Variants in NNT observed in about 807,000 individuals in gnomAD.
NNT encodes NAD(P) transhydrogenase, mitochondrial.
In NNT, 50 loss-of-function variants were observed where a neutral mutation model predicts 104.8. The ratio of observed to expected loss-of-function variants is 0.48; its 90% CI spans 0.38 to 0.60. The LOEUF (loss-of-function observed/expected upper bound fraction) is 0.60. NNT is among the 20% of genes least tolerant of loss of function. The pLI, the probability that NNT is intolerant of heterozygous loss-of-function variation, is 0.00. For synonymous variants in NNT, 461 were observed against 490.4 expected, an observed-to-expected ratio of 0.94 and a Z score of 0.79; for missense variants, 1,131 against 1,330.7, an observed-to-expected ratio of 0.85 and a Z score of 2.33.
Position 43,704,444 on chromosome 5 carries a change from G to A in NNT, c.*40G>A. The A allele has an allele frequency of 6.2e-7, 1 of 1,605,476 alleles. No individual in the cohort carries two copies. The highest frequency in any genetic ancestry group is 8.5e-7 in the Non-Finnish European group (1 of 1,174,466). ...GCTGTTAGCTAATAATGCCACCTCT[G>A]CAGTTTTGGGAACAGGCAAATAAAG... On this transcript the variant is annotated 3_prime_UTR_variant, in exon 22 of 22. Transcript: ENST00000344920.
At chr5:43,652,970 A>G (rs754093468) in intron 13 of NNT, 48 bp from the exon 14 acceptor site, 1 of 1,480,066 alleles carries the variant, frequency 6.8e-7, no homozygotes, top group African/African-American at 1.4e-5. Flanking sequence ...CTCTAAGCTA[A>G]TAGACCAAAG....
At chr5:43,628,430 CT>C (rs746378706) in intron 7 of NNT, 43 bp downstream of exon 7, 716 of 1,390,840 alleles carry the variant, frequency 5.1e-4, no homozygotes, top group South Asian at 9.5e-4. Flanking sequence ...CACTTTTACT[CT>C]TTTTTTTTAA....
At chr5:43,645,586 T>C (rs1310605200) in intron 10 of NNT, 76 bp downstream of exon 10, 3 of 847,270 alleles carry the variant, frequency 3.5e-6, no homozygotes, top group Non-Finnish European at 4.8e-6. Context: ...TCTATAGATA[T>C]ATGTGTAGCT....
chr5:43,640,305 CA>C (rs942922709), intron 7 of NNT, among the ~76,000 whole-genome samples: 1 of 151,952 alleles, frequency 6.6e-6, no homozygotes, highest in African/African-American at 2.4e-5. Context: ...GTTTGTATTC[CA>C]TGTTTAGTTA....
At chr5:43,627,407 G>C (rs950005369) in intron 6 of NNT, among the ~76,000 whole-genome samples, 1 of 152,142 alleles carries the variant, frequency 6.6e-6, no homozygotes, top group African/African-American at 2.4e-5. Flanking sequence ...CTGCTTGCTG[G>C]AGATTATAAT....
intron 5 of NNT, 57 bp from the exon 6 acceptor site, chr5:43,623,975 G>A (rs897005795): frequency 2.0e-6 from 3 of 1,516,436 alleles, no homozygotes; most frequent in Admixed American, 1.7e-5. Context: ...GTTAGCTGAT[G>A]ATTTTTCATT....
rs928270590 is a variant in NNT at position 43,641,749 on chromosome 5, A to G, written c.965-2443A>G. On this transcript the variant is annotated intron_variant, in intron 7 of 21. Coordinates refer to ENST00000344920, the MANE Select transcript of NNT (RefSeq NM_182977.3). ...AGTGATACCCTTCAGTCTGTACACCAAATAAGTTAACCTATGTGAAAGAAT... is the reference window on the plus strand; with the variant it reads ...AGTGATACCCTTCAGTCTGTACACCGAATAAGTTAACCTATGTGAAAGAAT... Among the ~76,000 whole-genome samples, 3 of 152,332 alleles carry G rather than the reference A, an allele frequency of 2.0e-5. No individual in the cohort carries two copies. In the East Asian group the frequency reaches 5.8e-4, roughly 29 times the overall value.
chr5:43,698,340 C>T (rs1217541369), intron 19 of NNT, among the ~76,000 whole-genome samples: 2 of 151,868 alleles, frequency 1.3e-5, no homozygotes. Context: ...CTTACCATGC[C>T]TGTGTGGGTT....
Position 43,644,689 on chromosome 5 carries a change from A to C in NNT, c.1177A>C (p.Thr393Pro). ...QASTLYSNNI[T>P]KLLKAISPDK... ...CAGCACCCTATATTCCAACAACATC[A>C]CCAAACTCCTGAAGGCCATCAGCCC... The change falls in exon 9 of 22, where the codon ACC (threonine) becomes CCC (proline). Residue 393 changes from threonine (T) to proline (P), a missense_variant. Physicochemically the swap from Thr to Pro is conservative, Grantham distance 38. Transcript: ENST00000344920. 6.2e-7 allele frequency: 1 copy of C among 1,614,178 alleles called. No individual in the cohort carries two copies. Among genetic ancestry groups the C allele is most frequent in the Non-Finnish European group, 8.5e-7 (1 of 1,180,044 alleles).
At chr5:43,623,292 C>CT (rs1750189932) in intron 5 of NNT, among the ~76,000 whole-genome samples, 1 of 152,106 alleles carries the variant, frequency 6.6e-6, no homozygotes, top group African/African-American at 2.4e-5. Context: ...TTTCAATTGA[C>CT]TGTTTATGGG....
intron 13 of NNT, 124 bp downstream of exon 13, chr5:43,652,008 A>G: frequency 9.7e-7 from 1 of 1,025,644 alleles, no homozygotes; most frequent in East Asian, 2.5e-5. Flanking sequence ...AAATACAACA[A>G]TAACCCTAGA....
rs79704672 is a variant in NNT at position 43,690,948 on chromosome 5, G to T, written c.2877-9171G>T. Among the ~76,000 whole-genome samples, 543 of 152,114 alleles carry T rather than the reference G, an allele frequency of 3.6e-3. 2 individuals are homozygous for T. The highest frequency in any genetic ancestry group is 5.5e-3 in the Non-Finnish European group (371 of 68,000). Reference sequence around the variant, plus strand: ...AAAAAGATTTTAAATTCTTTCTTTTGCATTTGAATATTTTCTTCTCTTCTG... The same window carrying T: ...AAAAAGATTTTAAATTCTTTCTTTTTCATTTGAATATTTTCTTCTCTTCTG... On this transcript the variant is annotated intron_variant, in intron 19 of 21. Coordinates refer to ENST00000344920, the MANE Select transcript of NNT (RefSeq NM_182977.3).
chr5:43,615,461 A>G (rs1749738787), intron 3 of NNT, among the ~76,000 whole-genome samples: 1 of 152,244 alleles, frequency 6.6e-6, no homozygotes, highest in South Asian at 2.1e-4. Context: ...GAAGGATTGA[A>G]CACACAACAA....
rs751101349 is a variant in NNT at position 43,644,280 on chromosome 5, T to A, written c.1053T>A (p.Gly351=). 6.2e-7 allele frequency: 1 copy of A among 1,613,820 alleles called. No homozygotes were observed. Among genetic ancestry groups the A allele is most frequent in the African/African-American group, 1.3e-5 (1 of 74,904 alleles). ...SVVVDLAAEA[G]GNFETTKPGE... is the part of the protein sequence containing the mutation. ...TTGTGGATTTAGCTGCTGAGGCTGG[T>A]GGAAACTTTGAAACCACTAAGCCAG... is the stretch of plus-strand genomic sequence containing the variant. Residue 351 remains glycine (G), a synonymous_variant, in exon 8 of 22, where the codon GGT becomes GGA. Transcript: ENST00000344920.
In NNT at chr5:43,618,967, A is replaced by G. The variant is rs1013917633; in HGVS notation, c.600-65A>G. ...AAAACTTCATTGATGACTTATGATG[A>G]TATGTGAGTCTGAGATCTCTCCTTT... On this transcript the variant is annotated intron_variant, in intron 4 of 21. Coordinates refer to ENST00000344920, the MANE Select transcript of NNT (RefSeq NM_182977.3). 6.5e-6 allele frequency: 6 copies of G among 918,492 alleles called. No homozygotes were observed. In the Admixed American group the frequency reaches 1.3e-4, roughly 20 times the overall value. The allele number at this position is 918,492 out of a possible 1,614,324, so 56.9% of individuals were successfully genotyped here. A position where few individuals can be genotyped will look rare whatever the true frequency, so the allele number is the denominator to read the frequency against.
At chr5:43,634,457 T>G (rs1750833451) in intron 7 of NNT, among the ~76,000 whole-genome samples, 1 of 152,232 alleles carries the variant, frequency 6.6e-6, no homozygotes, top group South Asian at 2.1e-4. Flanking sequence ...GATTTATTAT[T>G]CATTTTCTTA....
chr5:43,683,072 G>A (rs922380748), intron 19 of NNT, among the ~76,000 whole-genome samples: 66 of 152,202 alleles, frequency 4.3e-4, no homozygotes, highest in African/African-American at 1.0e-3. Flanking sequence ...ATTAGCCAGC[G>A]CTTTTGGTTT....
At chr5:43,667,892 A>C (rs1740801632) in intron 17 of NNT, among the ~76,000 whole-genome samples, 2 of 152,238 alleles carry the variant, frequency 1.3e-5, no homozygotes, top group African/African-American at 4.8e-5. Flanking sequence ...CCAACAGTGC[A>C]AAAGTGTTCC....
chr5:43,680,094 C>G (rs9292888), intron 19 of NNT, among the ~76,000 whole-genome samples: 4,518 of 151,842 alleles, frequency 0.03, 188 homozygotes, highest in African/African-American at 0.094. Flanking sequence ...TGGAAGAGGA[C>G]TATTCTTGCT....
Sources: allele counts gnomAD v4.1 joint callset (sites outside exome capture counted in the v4.1 genomes callset), GRCh38; gene constraint gnomAD v4.1.1; transcripts MANE v1.5; gene names NCBI Gene and HGNC (gene_info 2026-07-23, HGNC 2026-07-21).